The following SLC9A9 variants were observed in gnomAD, a reference collection of about 807,000 sequenced individuals.
SLC9A9 encodes sodium/hydrogen exchanger 9.
SLC9A9 carries 62 observed loss-of-function variants against 77.8 expected under a neutral mutation model. The observed-to-expected ratio is 0.80, with a 90% CI of 0.65 to 0.98. The LOEUF (loss-of-function observed/expected upper bound fraction) is 0.98, where lower values mean the gene tolerates loss of function less well. Ranked by LOEUF, SLC9A9 falls within the 50% of genes least tolerant of loss-of-function variation. The pLI is 0.00. For synonymous variants in SLC9A9, 320 were observed against 283.5 expected (o/e 1.13, Z -1.29); for missense variants, 775 against 774.9 (o/e 1.00, Z 0.00).
intron 2 of SLC9A9, among the ~76,000 whole-genome samples, chr3:143,828,394 A>C (rs557680573): frequency 3.9e-5 from 6 of 152,314 alleles, no homozygotes; most frequent in African/African-American, 1.2e-4. Flanking sequence ...TTGGGGATAC[A>C]TTGGTCAGTA....
At chr3:143,465,062 C>T (rs1227782402) in intron 12 of SLC9A9, among the ~76,000 whole-genome samples, 1 of 152,244 alleles carries the variant, frequency 6.6e-6, no homozygotes, top group African/African-American at 2.4e-5. Flanking sequence ...ACAGTCCTGC[C>T]TTTACTCATC....
intron 12 of SLC9A9, among the ~76,000 whole-genome samples, chr3:143,414,456 T>A (rs1436051933): frequency 2.0e-5 from 3 of 152,250 alleles, no homozygotes. Context: ...ACTGGCACAA[T>A]ATTTCCAGTA....
intron 2 of SLC9A9, among the ~76,000 whole-genome samples, chr3:143,821,147 T>A (rs1211004482): frequency 6.6e-6 from 1 of 152,186 alleles, no homozygotes; most frequent in East Asian, 1.9e-4. Flanking sequence ...TTGGTGCATA[T>A]TTTTAAATGC....
In SLC9A9 at chr3:143,679,337, C is replaced by T. The variant is rs563860279; in HGVS notation, c.649+13855G>A. 3.6e-4 allele frequency among the ~76,000 whole-genome samples: 54 copies of T among 151,792 alleles called. No homozygotes were observed. In the South Asian group the frequency reaches 0.011, roughly 30 times the overall value. Reference sequence around the variant, plus strand: ...ATAAGAACAGGTAGAGACTGAGCAGCCTTAGGCATTCTCTTTCCCTACAAA... The same window carrying T: ...ATAAGAACAGGTAGAGACTGAGCAGTCTTAGGCATTCTCTTTCCCTACAAA... On this transcript the variant is annotated intron_variant, in intron 5 of 15. Coordinates refer to ENST00000316549, the MANE Select transcript of SLC9A9 (RefSeq NM_173653.4).
chr3:143,432,550 G>A (rs1256037381), intron 12 of SLC9A9, among the ~76,000 whole-genome samples: 2 of 152,134 alleles, frequency 1.3e-5, no homozygotes, highest in African/African-American at 4.8e-5. Flanking sequence ...AGAAAAGGTT[G>A]TTAAAACAAG....
chr3:143,467,004 T>C, intron 12 of SLC9A9, 33 bp downstream of exon 12: 1 of 1,608,272 alleles, frequency 6.2e-7, no homozygotes, highest in Non-Finnish European at 8.5e-7. Context: ...CCATGCCTCA[T>C]AATGATTTCC....
chr3:143,514,812 C>T (rs1264910109), intron 9 of SLC9A9, among the ~76,000 whole-genome samples: 1 of 152,180 alleles, frequency 6.6e-6, no homozygotes, highest in Admixed American at 6.5e-5. Context: ...CTATCCAGAC[C>T]ACTAAAACTT....
chr3:143,743,196 T>C (rs1935115465), intron 4 of SLC9A9, among the ~76,000 whole-genome samples: 2 of 149,112 alleles, frequency 1.3e-5, no homozygotes, highest in African/African-American at 5.0e-5. Context: ...GATGGATGGA[T>C]AGATGGATAG....
intron 7 of SLC9A9, among the ~76,000 whole-genome samples, chr3:143,576,423 C>T (rs2037360249): frequency 6.6e-6 from 1 of 152,138 alleles, no homozygotes; most frequent in Non-Finnish European, 1.5e-5. Flanking sequence ...ACGTATCCTC[C>T]TTGAGCCTCA....
chr3:143,840,111 C>G (rs1414720326), intron 1 of SLC9A9, among the ~76,000 whole-genome samples: 1 of 152,130 alleles, frequency 6.6e-6, no homozygotes, highest in East Asian at 1.9e-4. Flanking sequence ...CACAGTTTAC[C>G]GGGCCGCACC....
intron 12 of SLC9A9, among the ~76,000 whole-genome samples, chr3:143,388,900 C>T (rs1178356061): frequency 6.6e-6 from 1 of 152,146 alleles, no homozygotes; most frequent in Non-Finnish European, 1.5e-5. Flanking sequence ...GTACGTTTCA[C>T]AGAGGAGATG....
chr3:143,338,161 A>G (rs773047106), intron 14 of SLC9A9, among the ~76,000 whole-genome samples: 3 of 152,242 alleles, frequency 2.0e-5, no homozygotes, highest in Non-Finnish European at 4.4e-5. Flanking sequence ...GGGAGTTTCA[A>G]GAAACAAAAG....
chr3:143,397,550 T>C (rs1204376043), intron 12 of SLC9A9, among the ~76,000 whole-genome samples: 1 of 152,218 alleles, frequency 6.6e-6, no homozygotes, highest in Non-Finnish European at 1.5e-5. Context: ...ATTGTGGTTA[T>C]TTCACAGTTA....
chr3:143,474,129 G>A (rs1056307415), intron 11 of SLC9A9, among the ~76,000 whole-genome samples: 5 of 152,086 alleles, frequency 3.3e-5, no homozygotes, highest in South Asian at 2.1e-4. Context: ...TCTAGGCTTC[G>A]GGAATAGTAG....
intron 6 of SLC9A9, among the ~76,000 whole-genome samples, chr3:143,590,471 C>T (rs1461063100): frequency 1.3e-5 from 2 of 152,120 alleles, no homozygotes; most frequent in African/African-American, 4.8e-5. Flanking sequence ...TTATAAGAAT[C>T]TTTTGGGGTA....
chr3:143,530,868 C>A (rs1471964168), intron 9 of SLC9A9, among the ~76,000 whole-genome samples: 2 of 152,124 alleles, frequency 1.3e-5, no homozygotes, highest in Non-Finnish European at 1.5e-5. Context: ...TCAGGATTTG[C>A]CTCTGTCAAC....
intron 4 of SLC9A9, among the ~76,000 whole-genome samples, chr3:143,710,103 T>C (rs1402715478): frequency 1.3e-5 from 2 of 152,206 alleles, no homozygotes; most frequent in African/African-American, 4.8e-5. Flanking sequence ...TTGGGATGAA[T>C]TGTATCAACT....
chr3:143,359,696 C>T (rs1377205336), intron 14 of SLC9A9, among the ~76,000 whole-genome samples: 1 of 152,142 alleles, frequency 6.6e-6, no homozygotes, highest in African/African-American at 2.4e-5. Context: ...ACCTCCCACT[C>T]CACAATGGGG....
intron 9 of SLC9A9, among the ~76,000 whole-genome samples, chr3:143,526,919 GCACCCCTGGGGA>G (rs1437737104): frequency 6.6e-6 from 1 of 152,174 alleles, no homozygotes. Context: ...AGGGGCTTGG[GCACCCCTGGGGA>G]ACTGTGGACT....
Sources: gnomAD v4.1 joint callset for allele counts (sites outside exome capture counted in the v4.1 genomes callset) on GRCh38, gnomAD v4.1.1 for gene constraint, MANE v1.5 for transcripts, NCBI Gene and HGNC (gene_info 2026-07-23, HGNC 2026-07-21) for gene names.